MACROD2: variants seen among roughly 807,000 people sequenced by gnomAD.
MACROD2 encodes ADP-ribose glycohydrolase MACROD2.
A neutral mutation model predicts 70.4 loss-of-function variants in MACROD2; 36 were observed. The observed-to-expected ratio is 0.51, with a 90% CI of 0.39 to 0.68. The LOEUF (loss-of-function observed/expected upper bound fraction) is 0.68. MACROD2 is among the 30% of genes least tolerant of loss of function. The pLI is 0.00. For synonymous variants in MACROD2, 172 were observed against 178.8 expected, an observed-to-expected ratio of 0.96 and a Z score of 0.30; for missense variants, 496 against 538.4, an observed-to-expected ratio of 0.92 and a Z score of 0.78.
chr20:15,177,588 A>AT (rs2050634528), intron 5 of MACROD2, among the ~76,000 whole-genome samples: 1 of 152,082 alleles, frequency 6.6e-6, no homozygotes, highest in Admixed American at 6.5e-5. Flanking sequence ...TGAACTCTGC[A>AT]TTTTTTCTGT....
chr20:15,813,897 G>A (rs2063845962), intron 8 of MACROD2, among the ~76,000 whole-genome samples: 1 of 152,136 alleles, frequency 6.6e-6, no homozygotes, highest in African/African-American at 2.4e-5. Context: ...AAAACAGCAT[G>A]GTTTACCTAC....
chr20:14,523,931 A>T (rs3929690), intron 4 of MACROD2, among the ~76,000 whole-genome samples: 58,092 of 151,982 alleles, frequency 0.38, 11,638 homozygotes, highest in East Asian at 0.63. Context: ...AGGATATGCC[A>T]GTCTAGTTAT....
chr20:14,407,168 A>G (rs2083699520), intron 3 of MACROD2, among the ~76,000 whole-genome samples: 1 of 149,292 alleles, frequency 6.7e-6, no homozygotes, highest in Admixed American at 6.7e-5. Flanking sequence ...TACTGGATGT[A>G]GATTTAATTT....
At chr20:14,602,101 G>A (rs1033671386) in intron 4 of MACROD2, among the ~76,000 whole-genome samples, 6 of 152,134 alleles carry the variant, frequency 3.9e-5, no homozygotes, top group Admixed American at 1.3e-4. Context: ...GAAAAATTAG[G>A]CATGTGGACA....
intron 3 of MACROD2, among the ~76,000 whole-genome samples, chr20:14,307,913 A>C (rs2082534310): frequency 6.6e-6 from 1 of 152,116 alleles, no homozygotes; most frequent in Non-Finnish European, 1.5e-5. Flanking sequence ...ACTTTGGATG[A>C]TCTTACTGAA....
chr20:15,858,626 G>T (rs1173718436), intron 8 of MACROD2, among the ~76,000 whole-genome samples: 1 of 152,178 alleles, frequency 6.6e-6, no homozygotes, highest in East Asian at 1.9e-4. Flanking sequence ...GCATTTAGCA[G>T]GATTGACCTG....
chr20:14,362,545 T>C (rs1056184154), intron 3 of MACROD2, among the ~76,000 whole-genome samples: 3 of 152,184 alleles, frequency 2.0e-5, no homozygotes, highest in African/African-American at 7.2e-5. Context: ...AGCATTTGTG[T>C]AAAAATTTCA....
intron 6 of MACROD2, among the ~76,000 whole-genome samples, chr20:15,427,207 A>C (rs993994732): frequency 6.6e-6 from 1 of 152,184 alleles, no homozygotes; most frequent in South Asian, 2.1e-4. Flanking sequence ...CCTCCATTAC[A>C]CTACCATTTG....
At chr20:14,787,305 A>G (rs1041656122) in intron 5 of MACROD2, among the ~76,000 whole-genome samples, 1 of 129,338 alleles carries the variant, frequency 7.7e-6, no homozygotes, top group Non-Finnish European at 1.7e-5. Context: ...GTAACGTGTG[A>G]AAAAAAAAGT....
intron 5 of MACROD2, among the ~76,000 whole-genome samples, chr20:14,770,753 T>A (rs1370004568): frequency 5.9e-5 from 9 of 152,144 alleles, no homozygotes; most frequent in Admixed American, 5.9e-4. Flanking sequence ...TTTCTCTATT[T>A]TACATCTGGA....
intron 6 of MACROD2, among the ~76,000 whole-genome samples, chr20:15,365,648 G>A (rs958286267): frequency 1.1e-4 from 16 of 150,846 alleles, no homozygotes; most frequent in African/African-American, 2.0e-4. Flanking sequence ...GCGACAGAGC[G>A]AGGCTCTGTC....
At chr20:15,302,125 A>G (rs2077650509) in intron 6 of MACROD2, among the ~76,000 whole-genome samples, 1 of 152,068 alleles carries the variant, frequency 6.6e-6, no homozygotes, top group Non-Finnish European at 1.5e-5. Context: ...CCCCTCCCAA[A>G]GGGCTCAATT....
chr20:15,481,628 C>T (rs2047099193), intron 7 of MACROD2, among the ~76,000 whole-genome samples: 1 of 147,932 alleles, frequency 6.8e-6, no homozygotes, highest in East Asian at 2.0e-4. Flanking sequence ...AAAAGAAAAG[C>T]CAGAGAGCCT....
chr20:14,037,265 C>T (rs2053324971), intron 2 of MACROD2, among the ~76,000 whole-genome samples: 1 of 152,132 alleles, frequency 6.6e-6, no homozygotes, highest in African/African-American at 2.4e-5. Flanking sequence ...CTAGTTTTGG[C>T]ATCATTAATT....
intron 1 of MACROD2, among the ~76,000 whole-genome samples, chr20:13,999,093 T>C (rs1424444709): frequency 3.9e-5 from 6 of 152,218 alleles, no homozygotes; most frequent in Non-Finnish European, 8.8e-5. Flanking sequence ...GAAGGACTTT[T>C]CTTCCTTGTG....
At chr20:14,822,453 G>A (rs1247440500) in intron 5 of MACROD2, among the ~76,000 whole-genome samples, 2 of 151,846 alleles carry the variant, frequency 1.3e-5, no homozygotes, top group African/African-American at 4.8e-5. Context: ...TACAGTTTTC[G>A]GCAAGCCATT....
At chr20:14,491,378 A>G (rs2084792357) in intron 3 of MACROD2, among the ~76,000 whole-genome samples, 1 of 152,344 alleles carries the variant, frequency 6.6e-6, no homozygotes, top group Admixed American at 6.5e-5. Context: ...ACGTTTTTGA[A>G]TATGATCAAA....
At chr20:15,536,561 T>A (rs2047877830) in intron 8 of MACROD2, among the ~76,000 whole-genome samples, 1 of 152,224 alleles carries the variant, frequency 6.6e-6, no homozygotes, top group African/African-American at 2.4e-5. Flanking sequence ...TAGGATGTTA[T>A]AAAGAATGCA....
At chr20:15,226,682 T>G (rs1193049540) in intron 5 of MACROD2, among the ~76,000 whole-genome samples, 1 of 152,178 alleles carries the variant, frequency 6.6e-6, no homozygotes, top group Non-Finnish European at 1.5e-5. Context: ...TATGAGCTGC[T>G]TAACCATGTC....
Sources: gnomAD v4.1 joint callset for allele counts (sites outside exome capture counted in the v4.1 genomes callset) on GRCh38, gnomAD v4.1.1 for gene constraint, MANE v1.5 for transcripts, NCBI Gene and HGNC (gene_info 2026-07-23, HGNC 2026-07-21) for gene names.